The following PLEKHG1 variants were observed in gnomAD, a reference collection of about 807,000 sequenced individuals.
The protein encoded by PLEKHG1 is pleckstrin homology domain-containing family G member 1.
Under a neutral mutation model 100.8 loss-of-function variants are expected in PLEKHG1, and 44 were observed. The observed-to-expected ratio is 0.44, with a 90% CI of 0.34 to 0.56. The LOEUF is 0.56. Among genes scored for constraint, PLEKHG1 ranks in the 20% least tolerant of loss-of-function variants. The pLI is 0.01. For missense variants in PLEKHG1, 1,545 were observed against 1,720.9 expected (o/e 0.90, Z 1.81); for synonymous variants, 640 against 662.5 (o/e 0.97, Z 0.52).
intron 15 of PLEKHG1, among the ~76,000 whole-genome samples, chr6:150,833,317 T>C (rs895912977): frequency 2.6e-5 from 4 of 152,238 alleles, no homozygotes; most frequent in African/African-American, 9.6e-5. Flanking sequence ...CCTCCCAAAG[T>C]GCTAGGATTA....
At chr6:150,826,560 G>A (rs77881787) in intron 14 of PLEKHG1, among the ~76,000 whole-genome samples, 3,279 of 152,298 alleles carry the variant, frequency 0.022, 45 homozygotes, top group South Asian at 0.036. Flanking sequence ...CAAAACTGCC[G>A]TATCGAAATT....
chr6:150,621,938 C>T lies in PLEKHG1; in HGVS notation c.-203-16142C>T, dbSNP rs370073239. ...TTACCTGGTCTTACCGTGTTGCGTC[C>T]AGAACTGTTGTGTGAGTTGCAGTTA... is the stretch of plus-strand genomic sequence containing the variant. On this transcript the variant is annotated intron_variant, in intron 1 of 3. Transcript: ENST00000367326. Among the ~76,000 whole-genome samples, 282 of 152,232 alleles carry T rather than the reference C, an allele frequency of 1.9e-3. 1 individual carries two copies. The highest frequency in any genetic ancestry group is 6.6e-3 in the African/African-American group (272 of 41,520).
At chr6:150,616,296 T>A (rs1027406815) in intron 1 of PLEKHG1, among the ~76,000 whole-genome samples, 15 of 152,216 alleles carry the variant, frequency 9.9e-5, no homozygotes, top group African/African-American at 3.6e-4. Flanking sequence ...TATAGGCAGC[T>A]ACATACCTAG....
exon 2 of PLEKHG1, chr6:150,733,681 A>G: frequency 1.2e-6 from 2 of 1,614,134 alleles, no homozygotes; most frequent in South Asian, 2.2e-5. Flanking sequence ...AACTGAAGAC[A>G]ATGGAGCTCT....
At chr6:150,700,905 C>A (rs2128598575) in intron 3 of PLEKHG1, among the ~76,000 whole-genome samples, 1 of 150,992 alleles carries the variant, frequency 6.6e-6, no homozygotes, top group African/African-American at 2.5e-5. Context: ...TCTCTCTAAA[C>A]AATTCGGAAA....
intron 3 of PLEKHG1, among the ~76,000 whole-genome samples, chr6:150,782,160 G>A (rs1785351877): frequency 6.6e-6 from 1 of 152,016 alleles, no homozygotes; most frequent in Non-Finnish European, 1.5e-5. Context: ...GCTCACATCT[G>A]TAATCCCAGC....
intron 13 of PLEKHG1, among the ~76,000 whole-genome samples, chr6:150,822,608 G>A (rs890336095): frequency 1.3e-5 from 2 of 152,212 alleles, no homozygotes; most frequent in Non-Finnish European, 2.9e-5. Flanking sequence ...CAAAAATAAA[G>A]AAGATCTCTA....
intron 3 of PLEKHG1, chr6:150,662,363 TAAAC>T (rs1779226856): frequency 6.6e-6 from 1 of 152,218 alleles, no homozygotes; most frequent in African/African-American, 2.4e-5. Flanking sequence ...CCTGTAGAAA[TAAAC>T]AACCATTTAC....
chr6:150,796,433 A>G (rs1786337392), intron 5 of PLEKHG1, among the ~76,000 whole-genome samples: 1 of 152,200 alleles, frequency 6.6e-6, no homozygotes, highest in Non-Finnish European at 1.5e-5. Context: ...TTTTCCTTGC[A>G]TTGGAAATCA....
chr6:150,675,604 G>A lies in PLEKHG1; in HGVS notation c.-99+24818G>A, dbSNP rs185075023. 2.6e-5 allele frequency among the ~76,000 whole-genome samples: 4 copies of A among 152,220 alleles called. No individual in the cohort carries two copies. The East Asian group carries it at 5.8e-4, about 22-fold the overall frequency. ...TTATTTTTGTTTTTGTTTTTGAGAC[G>A]GAGTCTCCCTCTGTCACCCAGGCTG... On this transcript the variant is annotated intron_variant, in intron 3 of 3. Coordinates refer to the PLEKHG1 transcript ENST00000367326.
chr6:150,790,022 AT>A (rs34908667), intron 4 of PLEKHG1, among the ~76,000 whole-genome samples: 1 of 151,162 alleles, frequency 6.6e-6, no homozygotes, highest in African/African-American at 2.4e-5. Context: ...AAATTGAAAT[AT>A]TTTTTTTTCT....
chr6:150,790,814 G>A (rs1175890073), intron 4 of PLEKHG1, among the ~76,000 whole-genome samples: 1 of 152,108 alleles, frequency 6.6e-6, no homozygotes, highest in Admixed American at 6.6e-5. Context: ...CTGAGATCAG[G>A]AGTTCAAGAT....
At chr6:150,840,803 C>A in exon 16 of PLEKHG1, 1 of 1,614,102 alleles carries the variant, frequency 6.2e-7, no homozygotes, top group Admixed American at 1.7e-5. Flanking sequence ...AACTGAATGA[C>A]TATCTTTGGA....
At chr6:150,809,502 G>C in intron 9 of PLEKHG1, 26 bp downstream of exon 10, 1 of 1,577,750 alleles carries the variant, frequency 6.3e-7, no homozygotes, top group Non-Finnish European at 8.7e-7. Context: ...TGGCCTCTCC[G>C]CAAGGCCCCT....
chr6:150,641,876 C>CAAAAAAAAAAAAAAAAAAA (rs71554473), intron 2 of PLEKHG1, among the ~76,000 whole-genome samples: 2 of 76,798 alleles, frequency 2.6e-5, no homozygotes, highest in Non-Finnish European at 4.5e-5. Flanking sequence ...TGTGAAAAGG[C>CAAAAAAAAAAAAAAAAAAA]AAAAAAAAAA....
upstream of PLEKHG1, among the ~76,000 whole-genome samples, chr6:150,718,952 A>T (rs1450206728): frequency 2.0e-5 from 3 of 152,102 alleles, no homozygotes; most frequent in Non-Finnish European, 4.4e-5. Context: ...CTTAATATTT[A>T]AAAAATGAAA....
At chr6:150,817,112 G>A (rs1262440733) in intron 10 of PLEKHG1, among the ~76,000 whole-genome samples, 2 of 152,182 alleles carry the variant, frequency 1.3e-5, no homozygotes, top group African/African-American at 4.8e-5. Context: ...TCTGTGGCTC[G>A]GGGGTTGGGG....
chr6:150,754,173 G>A (rs865877733), intron 2 of PLEKHG1, among the ~76,000 whole-genome samples: 1 of 152,178 alleles, frequency 6.6e-6, no homozygotes, highest in African/African-American at 2.4e-5. Context: ...GGATGAATGA[G>A]CCAGGTGGTG....
chr6:150,637,620 A>G (rs559570734), intron 1 of PLEKHG1, among the ~76,000 whole-genome samples: 2 of 152,276 alleles, frequency 1.3e-5, no homozygotes, highest in South Asian at 2.1e-4. Context: ...GATACCTACA[A>G]TCTAGTGTAG....
Sources: allele counts gnomAD v4.1 joint callset (sites outside exome capture counted in the v4.1 genomes callset), GRCh38; gene constraint gnomAD v4.1.1; transcripts MANE v1.5; gene names NCBI Gene and HGNC (gene_info 2026-07-23, HGNC 2026-07-21).